Variants in COBL observed in about 807,000 individuals in gnomAD.
COBL encodes protein cordon-bleu.
Under a neutral mutation model 98.8 loss-of-function variants are expected in COBL, and 51 were observed. The ratio of observed to expected loss-of-function variants is 0.52; its 90% CI spans 0.41 to 0.65. The LOEUF (loss-of-function observed/expected upper bound fraction) is 0.65. COBL is among the 30% of genes least tolerant of loss of function. The pLI is 0.00. For synonymous variants in COBL, 634 were observed against 651.7 expected (o/e 0.97, Z 0.41); for missense variants, 1,617 against 1,617.5 (o/e 1.00, Z 0.01).
chr7:51,151,799 C>T (rs1347852616), intron 5 of COBL, among the ~76,000 whole-genome samples: 1 of 152,226 alleles, frequency 6.6e-6, no homozygotes, highest in Non-Finnish European at 1.5e-5. Flanking sequence ...TGAATCATTT[C>T]TTCAAGAGCA....
At chr7:51,239,722 T>C (rs1795596889) in intron 1 of COBL, among the ~76,000 whole-genome samples, 2 of 151,978 alleles carry the variant, frequency 1.3e-5, no homozygotes, top group African/African-American at 4.8e-5. Context: ...TCGATGGGAG[T>C]TGCCACAGCC....
chr7:51,280,150 C>T (rs749270965), intron 1 of COBL, among the ~76,000 whole-genome samples: 15 of 152,090 alleles, frequency 9.9e-5, no homozygotes, highest in Non-Finnish European at 1.5e-4. Flanking sequence ...CGAAGTACCA[C>T]GAAAACAGCA....
At chr7:51,315,371 T>A (rs1803444132) in intron 1 of COBL, among the ~76,000 whole-genome samples, 1 of 149,982 alleles carries the variant, frequency 6.7e-6, no homozygotes, top group South Asian at 2.1e-4. Context: ...AGGAAAACTT[T>A]AAAATTTTAA....
At position 51,027,997 on chromosome 7, in the gene COBL, G is replaced by A. The variant is rs749925541; in HGVS notation, c.3099C>T (p.Ser1033=). ...GCACAGAGCCATTGACCAGCTCCCT[G>A]CTGCAGGCCTGAGTGTCAGATGTGT... ...PPHTSDTQAC[S]RELVNGSVRA... The change falls in exon 10 of 13, where the codon AGC becomes AGT. Residue 1033 remains serine (S), a synonymous_variant. Transcript: ENST00000265136. The A allele has an allele frequency of 1.1e-5, 17 of 1,603,282 alleles. No homozygotes were observed. The highest frequency in any genetic ancestry group is 1.4e-5 in the Non-Finnish European group (16 of 1,174,148).
chr7:51,032,114 A>G (rs747782615), intron 8 of COBL: 1 of 152,414 alleles, frequency 6.6e-6, no homozygotes, highest in South Asian at 2.1e-4. Context: ...GAGACTACAG[A>G]GCTGCCCAGG....
chr7:51,278,119 C>G lies in COBL; in HGVS notation c.41+38474G>C, dbSNP rs1477143763. On this transcript the variant is annotated intron_variant, in intron 1 of 12. Coordinates refer to ENST00000265136, the MANE Select transcript of COBL (RefSeq NM_015198.5). ...CATAGTGGCCAGCCTTGAGTGCCAG[C>G]TCTGCAAATACTAGAACGCAATACC... Among the ~76,000 whole-genome samples the G allele has an allele frequency of 2.0e-5, 3 of 152,260 alleles. No individual in the cohort carries two copies. In the East Asian group the frequency reaches 5.8e-4, roughly 29 times the overall value.
At chr7:51,032,106 G>A (rs1788220330) in intron 8 of COBL, 1 of 152,228 alleles carries the variant, frequency 6.6e-6, no homozygotes, top group African/African-American at 2.4e-5. Context: ...TGTACGGAGA[G>A]ACTACAGAGC....
chr7:51,191,188 CCTT>C, intron 3 of COBL, 110 bp from the exon 4 acceptor site: 1 of 864,484 alleles, frequency 1.2e-6, no homozygotes, highest in South Asian at 1.6e-5. Context: ...TAGCCTGAAT[CCTT>C]CTTCCACAAA....
intron 1 of COBL, among the ~76,000 whole-genome samples, chr7:51,296,933 A>G (rs1283627201): frequency 2.0e-5 from 3 of 152,174 alleles, no homozygotes; most frequent in Non-Finnish European, 4.4e-5. Flanking sequence ...CATCTCAACT[A>G]ATACACATTT....
At chr7:51,206,264 G>A (rs1791692168) in intron 2 of COBL, among the ~76,000 whole-genome samples, 1 of 152,082 alleles carries the variant, frequency 6.6e-6, no homozygotes, top group African/African-American at 2.4e-5. Context: ...GGCCAAGGTG[G>A]GTGGATCACC....
intron 1 of COBL, among the ~76,000 whole-genome samples, chr7:51,280,870 G>T (rs1013659835): frequency 6.6e-6 from 1 of 152,020 alleles, no homozygotes; most frequent in African/African-American, 2.4e-5. Flanking sequence ...AAGCACAAAG[G>T]GCCCAGCAGA....
At chr7:51,276,606 G>A (rs990212326) in intron 1 of COBL, among the ~76,000 whole-genome samples, 22 of 152,236 alleles carry the variant, frequency 1.4e-4, no homozygotes, top group African/African-American at 5.3e-4. Flanking sequence ...ACTGCACAAG[G>A]TGTGGGGGAT....
chr7:51,088,653 A>C (rs1448553752), intron 6 of COBL, among the ~76,000 whole-genome samples: 1 of 152,180 alleles, frequency 6.6e-6, no homozygotes, highest in East Asian at 1.9e-4. Flanking sequence ...GTCTTCCTCA[A>C]ATTCATGACT....
intron 1 of COBL, among the ~76,000 whole-genome samples, chr7:51,249,900 G>C (rs1308551016): frequency 6.6e-6 from 1 of 152,196 alleles, no homozygotes; most frequent in South Asian, 2.1e-4. Context: ...CCAGGAGTTC[G>C]AGACCAGCCT....
At chr7:51,279,914 GT>G (rs1415823460) in intron 1 of COBL, among the ~76,000 whole-genome samples, 1 of 152,060 alleles carries the variant, frequency 6.6e-6, no homozygotes. Flanking sequence ...TGTATTTAAG[GT>G]TTTTCCATGT....
intron 7 of COBL, among the ~76,000 whole-genome samples, chr7:51,045,710 G>A (rs1329661285): frequency 6.6e-6 from 1 of 152,152 alleles, no homozygotes; most frequent in African/African-American, 2.4e-5. Context: ...AGGGCAGAGG[G>A]ACTCTAACCC....
intron 1 of COBL, among the ~76,000 whole-genome samples, chr7:51,315,749 T>A (rs913957688): frequency 4.1e-4 from 62 of 152,050 alleles, no homozygotes; most frequent in African/African-American, 1.4e-3. Context: ...GGGGTCTGAA[T>A]AATGAGCAGG....
intron 1 of COBL, among the ~76,000 whole-genome samples, chr7:51,313,993 C>T (rs976165277): frequency 6.6e-6 from 1 of 152,190 alleles, no homozygotes; most frequent in African/African-American, 2.4e-5. Context: ...GGAAGTCATA[C>T]ATCACTGTTT....
At chr7:51,102,581 A>G (rs908646803) in intron 6 of COBL, among the ~76,000 whole-genome samples, 3 of 152,292 alleles carry the variant, frequency 2.0e-5, no homozygotes, top group African/African-American at 7.2e-5. Context: ...TTTCATCTGT[A>G]CACATACATT....
Sources: gnomAD v4.1 joint callset for allele counts (sites outside exome capture counted in the v4.1 genomes callset) on GRCh38, gnomAD v4.1.1 for gene constraint, MANE v1.5 for transcripts, NCBI Gene and HGNC (gene_info 2026-07-23, HGNC 2026-07-21) for gene names.